MLYCD: variants seen among roughly 807,000 people sequenced by gnomAD.
MLYCD encodes malonyl-CoA decarboxylase, mitochondrial.
In MLYCD, 27 loss-of-function variants were observed where a neutral mutation model predicts 35.8. The observed-to-expected ratio is 0.75, with a 90% CI of 0.56 to 1.04. The LOEUF is 1.04. MLYCD is among the 50% of genes least tolerant of loss of function. The pLI is 0.00. For missense variants in MLYCD, 917 were observed against 665.1 expected, an observed-to-expected ratio of 1.38 and a Z score of -4.17; for synonymous variants, 403 against 302.4, an observed-to-expected ratio of 1.33 and a Z score of -3.45.
Position 83,926,575 on chromosome 16 carries a change from C to G in MLYCD, c.*11086C>G, listed in dbSNP as rs1365574404. The G allele has an allele frequency of 6.6e-6, 1 of 152,274 alleles. No individual in the cohort carries two copies. The highest frequency in any genetic ancestry group is 1.5e-5 in the Non-Finnish European group (1 of 68,062). 9.4% of individuals were successfully genotyped at this position (152,274 alleles called of 1,614,324 possible). On this transcript the variant is annotated 3_prime_UTR_variant, in exon 5 of 5. Coordinates refer to ENST00000262430, the MANE Select transcript of MLYCD (RefSeq NM_012213.3). ...CTAGACAGCGTTCCCCAAGTCCCCC[C>G]TTGAGCTGGGTGGGCTGCCCAGCTG... is the stretch of plus-strand genomic sequence containing the variant.
At chr16:83,900,053 A>G (rs1193456893) in intron 1 of MLYCD, among the ~76,000 whole-genome samples, 1 of 152,222 alleles carries the variant, frequency 6.6e-6, no homozygotes, top group Non-Finnish European at 1.5e-5. Context: ...AGCATCAGGC[A>G]GCCTTCTGAG....
rs567777136 is a variant in MLYCD at position 83,922,172 on chromosome 16, C to G, written c.*6683C>G. The G allele has an allele frequency of 3.3e-5, 5 of 152,512 alleles. No individual in the cohort carries two copies. In the East Asian group the frequency reaches 9.6e-4, roughly 29 times the overall value. The allele number at this position is 152,512 out of a possible 1,614,324, so 9.4% of individuals were successfully genotyped here. The stretch of plus-strand genomic sequence containing the variant: ...CACCCCTGCCACAGAGCCTGCCCCC[C>G]CGAGTGTTCCCCATCTCAGTCTGAG... On this transcript the variant is annotated 3_prime_UTR_variant, in exon 5 of 5. Transcript: ENST00000262430.
chr16:83,913,649 C>G (rs1339259742), intron 4 of MLYCD: 1 of 152,182 alleles, frequency 6.6e-6, no homozygotes, highest in Non-Finnish European at 1.5e-5. Context: ...GAAACCCCGT[C>G]TCTACTAAAA....
intron 1 of MLYCD, among the ~76,000 whole-genome samples, 191 bp from the exon 2 acceptor site, chr16:83,906,792 CGAAA>C (rs10584563): frequency 0.064 from 9,818 of 152,234 alleles, 754 homozygotes; most frequent in African/African-American, 0.18. Flanking sequence ...GAGCGTTGAA[CGAAA>C]GAAAGCCTGA....
At position 83,916,035 on chromosome 16, in the gene MLYCD, C is replaced by G. The variant is rs1261740079; in HGVS notation, c.*546C>G. On this transcript the variant is annotated 3_prime_UTR_variant, in exon 5 of 5. Coordinates refer to ENST00000262430, the MANE Select transcript of MLYCD (RefSeq NM_012213.3). Reference sequence around the variant, plus strand: ...ATGTATGAGAAGGTTTGTGATTTTGCACAAGGTGTGTGTAGTAAGTTAAAT... The same window carrying G: ...ATGTATGAGAAGGTTTGTGATTTTGGACAAGGTGTGTGTAGTAAGTTAAAT... The G allele has an allele frequency of 9.9e-7, 1 of 1,005,490 alleles. No individual in the cohort carries two copies. The highest frequency in any genetic ancestry group is 1.7e-5 in the African/African-American group (1 of 57,936). The allele number at this position is 1,005,490 out of a possible 1,614,324, so 62.3% of individuals were successfully genotyped here. A position where few individuals can be genotyped will look rare whatever the true frequency, so the allele number is the denominator to read the frequency against.
At chr16:83,900,134 G>A (rs1357504723) in intron 1 of MLYCD, among the ~76,000 whole-genome samples, 2 of 152,202 alleles carry the variant, frequency 1.3e-5, no homozygotes, top group Non-Finnish European at 2.9e-5. Context: ...GAAGTCCTGT[G>A]AAATGCACAA....
chr16:83,917,587 C>T lies in MLYCD; in HGVS notation c.*2098C>T, dbSNP rs1907467283. On this transcript the variant is annotated 3_prime_UTR_variant, in exon 5 of 5. Coordinates refer to ENST00000262430, the MANE Select transcript of MLYCD (RefSeq NM_012213.3). The stretch of plus-strand genomic sequence containing the variant: ...GTGTGATCGCGGGAGCTGTCTCATG[C>T]CTCTTGTTCTCCGGGCTGATTCTGA... The T allele has an allele frequency of 6.6e-6, 1 of 152,390 alleles. No individual in the cohort carries two copies. Among genetic ancestry groups the T allele is most frequent in the African/African-American group, 2.4e-5 (1 of 41,474 alleles). The allele number at this position is 152,390 out of a possible 1,614,324, so 9.4% of individuals were successfully genotyped here. A position where few individuals can be genotyped will look rare whatever the true frequency, so the allele number is the denominator to read the frequency against.
intron 3 of MLYCD, chr16:83,911,813 A>C: frequency 3.9e-6 from 1 of 253,478 alleles, no homozygotes; most frequent in South Asian, 4.9e-5. Context: ...GGGAAACGTC[A>C]GTCCTTTAGG....
In MLYCD at chr16:83,899,203, C is replaced by A. The variant is rs2151053097; in HGVS notation, c.59C>A (p.Pro20Gln). Reference sequence around the variant, plus strand: ...CGTCTCCTCCCGCTGCGGTTGCCCCCGCGGCCGCCCGGGCCCCGGCTGGCG... The same window carrying A: ...CGTCTCCTCCCGCTGCGGTTGCCCCAGCGGCCGCCCGGGCCCCGGCTGGCG... ...ARRLLPLRLPPRPPGPRLASG... is the reference protein window; with the variant it reads ...ARRLLPLRLPQRPPGPRLASG... The change falls in exon 1 of 5, where the codon CCG (proline) becomes CAG (glutamine). Residue 20 changes from proline (P) to glutamine (Q), a missense_variant. Pro to Gln is a moderately conservative substitution (Grantham distance 76, BLOSUM62 -1). Transcript: ENST00000262430. 1 of 1,182,038 alleles carries A rather than the reference C, an allele frequency of 8.5e-7. No individual in the cohort carries two copies. The allele number at this position is 1,182,038 out of a possible 1,614,324, so 73.2% of individuals were successfully genotyped here.
Position 83,926,728 on chromosome 16 carries a change from G to C in MLYCD, c.*11239G>C, listed in dbSNP as rs1379614698. ...CCTGCGCGGTACCTGCCGCATGGCA[G>C]GCTCTTTACGGACAGCGCAGGGACG... is the stretch of plus-strand genomic sequence containing the variant. On this transcript the variant is annotated 3_prime_UTR_variant, in exon 5 of 5. Coordinates refer to ENST00000262430, the MANE Select transcript of MLYCD (RefSeq NM_012213.3). 1.3e-5 allele frequency: 2 copies of C among 152,272 alleles called. No individual in the cohort carries two copies. Among genetic ancestry groups the C allele is most frequent in the Non-Finnish European group, 2.9e-5 (2 of 68,072 alleles). The allele number at this position is 152,272 out of a possible 1,614,324, so 9.4% of individuals were successfully genotyped here.
intron 3 of MLYCD, 40 bp downstream of exon 3, chr16:83,908,322 A>G (rs1311997650): frequency 6.2e-6 from 10 of 1,607,666 alleles, no homozygotes; most frequent in Non-Finnish European, 8.5e-6. Flanking sequence ...TGGGCACCCC[A>G]TAGAGCCCCT....
In MLYCD at chr16:83,908,201, CT is replaced by C; in HGVS notation, c.721del (p.Ser241LeufsTer17). On this transcript the variant is annotated frameshift_variant, in exon 3 of 5. Transcript: ENST00000262430. LOFTEE classifies it high-confidence loss of function. ...RVGPYRRCYF[F>X]SHCSTPGEPL... ...TTGGGCCCTACAGAAGGTGTTACTT[CT>C]TTTCTCACTGTTCGACCCCTGGGGA... 4.3e-6 allele frequency: 7 copies of C among 1,614,218 alleles called. No individual in the cohort carries two copies. The highest frequency in any genetic ancestry group is 3.4e-6 in the Non-Finnish European group (4 of 1,180,040).
At position 83,920,877 on chromosome 16, in the gene MLYCD, A is replaced by AGATG. The variant is rs764200620; in HGVS notation, c.*5399_*5402dup. On this transcript the variant is annotated 3_prime_UTR_variant, in exon 5 of 5. Transcript: ENST00000262430. ...ATTTAGCAGGTCCTCAATGAACATT[A>AGATG]GATGGATGGATGGAAGGAAGGAAGA... The AGATG allele has an allele frequency of 7.9e-5, 12 of 151,984 alleles. No individual in the cohort carries two copies. Among genetic ancestry groups the AGATG allele is most frequent in the Non-Finnish European group, 1.5e-4 (10 of 68,012 alleles). 9.4% of individuals were successfully genotyped at this position (151,984 alleles called of 1,614,324 possible).
chr16:83,914,693 G>A (rs776235986), intron 4 of MLYCD: 239 of 489,076 alleles, frequency 4.9e-4, no homozygotes, highest in Non-Finnish European at 7.6e-4. Context: ...GCAGGAGGAT[G>A]GCTTGGACCC....
rs1192585505 is a variant in MLYCD, at chr16:83,926,693, G to C, written c.*11204G>C. The C allele has an allele frequency of 3.9e-5, 6 of 152,370 alleles. No individual in the cohort carries two copies. The highest frequency in any genetic ancestry group is 1.2e-4 in the African/African-American group (5 of 41,544). 9.4% of individuals were successfully genotyped at this position (152,370 alleles called of 1,614,324 possible). A position where few individuals can be genotyped will look rare whatever the true frequency, so the allele number is the denominator to read the frequency against. On this transcript the variant is annotated 3_prime_UTR_variant, in exon 5 of 5. Transcript: ENST00000262430. ...TGTGGGGATCTCAAAAGATAAGGCA[G>C]GTCTGGAGTCCTGCGCGGTACCTGC...
chr16:83,899,762 C>T (rs950686855), intron 1 of MLYCD, 90 bp downstream of exon 1: 3 of 1,378,682 alleles, frequency 2.2e-6, no homozygotes, highest in Non-Finnish European at 1.9e-6. Flanking sequence ...CCACACACCC[C>T]GCCTTCCCTG....
In MLYCD at chr16:83,915,025, G is replaced by A. The variant is rs1907320823; in HGVS notation, c.1018G>A (p.Gly340Arg). The A allele has an allele frequency of 6.2e-7, 1 of 1,614,192 alleles. No homozygotes were observed. The highest frequency in any genetic ancestry group is 1.7e-5 in the Admixed American group (1 of 60,032). ...ACCTGGTTTCACCAAATGGCTTCTGGGGCTTCTGAACTCGCAAACGAAGGA... is the reference window on the plus strand; with the variant it reads ...ACCTGGTTTCACCAAATGGCTTCTGAGGCTTCTGAACTCGCAAACGAAGGA... Reference protein sequence around the residue: ...PIPGFTKWLLGLLNSQTKEHG... With the variant: ...PIPGFTKWLLRLLNSQTKEHG... Residue 340 changes from glycine to arginine, a missense_variant, in exon 5 of 5, where the codon GGG (glycine) becomes AGG (arginine). Transcript: ENST00000262430.
intron 1 of MLYCD, among the ~76,000 whole-genome samples, chr16:83,906,727 A>G (rs939158149): frequency 2.8e-5 from 4 of 141,936 alleles, no homozygotes; most frequent in Non-Finnish European, 6.1e-5. Flanking sequence ...ACTTAGTTCA[A>G]ATTGAATTGT....
Position 83,925,401 on chromosome 16 carries a change from C to T in MLYCD, c.*9912C>T, listed in dbSNP as rs1034432669. The stretch of plus-strand genomic sequence containing the variant: ...CTGGACAGACCACTGGCCTTGTTCT[C>T]TTCATTTCCCTGGCCCAGGTTACAA... On this transcript the variant is annotated 3_prime_UTR_variant, in exon 5 of 5. Transcript: ENST00000262430. 6.6e-6 allele frequency: 1 copy of T among 152,408 alleles called. No homozygotes were observed. Among genetic ancestry groups the T allele is most frequent in the Non-Finnish European group, 1.5e-5 (1 of 68,182 alleles). The allele number at this position is 152,408 out of a possible 1,614,324, so 9.4% of individuals were successfully genotyped here.
Sources: gnomAD v4.1 joint callset for allele counts (sites outside exome capture counted in the v4.1 genomes callset) on GRCh38, gnomAD v4.1.1 for gene constraint, MANE v1.5 for transcripts, NCBI Gene and HGNC (gene_info 2026-07-23, HGNC 2026-07-21) for gene names.